MFN2: variants seen among roughly 807,000 people sequenced by gnomAD.
MFN2 encodes mitofusin 2, also known as mitofusin-2.
A neutral mutation model predicts 87.5 loss-of-function variants in MFN2; 43 were observed. The observed-to-expected ratio is 0.49, with a 90% CI of 0.38 to 0.63. The LOEUF (loss-of-function observed/expected upper bound fraction) is 0.63. MFN2 is among the 30% of genes least tolerant of loss of function. The probability of loss-of-function intolerance (pLI) is 0.00; values close to 1 mark genes in which losing one functional copy is unlikely to be tolerated. For synonymous variants in MFN2, 337 were observed against 359.9 expected (o/e 0.94, Z 0.72); for missense variants, 743 against 972.8 (o/e 0.76, Z 3.14).
chr1:11,986,519 G>A (rs1262628845), intron 2 of MFN2, among the ~76,000 whole-genome samples: 1 of 152,016 alleles, frequency 6.6e-6, no homozygotes, highest in Non-Finnish European at 1.5e-5. Context: ...ACCTGGCAGG[G>A]GTCCACTTTT....
rs200048283 is a variant in MFN2 at position 12,006,519 on chromosome 1, C to G, written c.1717-19C>G. 1.2e-6 allele frequency: 2 copies of G among 1,613,906 alleles called. No homozygotes were observed. Among genetic ancestry groups the G allele is most frequent in the South Asian group, 1.1e-5 (1 of 91,084 alleles). On this transcript the variant is annotated intron_variant, in intron 15 of 18. Transcript: ENST00000235329. ...GACTCAATACGTCCCCCTCACCCCTCTCATGTTTCTCTCCTCAGGTCCAGC... is the reference window on the plus strand; with the variant it reads ...GACTCAATACGTCCCCCTCACCCCTGTCATGTTTCTCTCCTCAGGTCCAGC...
chr1:11,999,518 T>C (rs1639079492), intron 8 of MFN2, among the ~76,000 whole-genome samples: 1 of 152,118 alleles, frequency 6.6e-6, no homozygotes, highest in South Asian at 2.1e-4. Context: ...GTTATGAGGC[T>C]GGCTAATTTT....
chr1:12,011,399 GGT>G, intron 18 of MFN2, 95 bp from the exon 19 acceptor site: 1 of 1,189,742 alleles, frequency 8.4e-7, no homozygotes, highest in Middle Eastern at 1.9e-4. Context: ...ATGATGTAAG[GGT>G]GTGTGTCAAG....
intron 2 of MFN2, among the ~76,000 whole-genome samples, chr1:11,984,453 C>T (rs976024175): frequency 2.0e-5 from 3 of 152,166 alleles, no homozygotes; most frequent in African/African-American, 4.8e-5. Context: ...TGTAGTGAAG[C>T]ATGTTGCTTG....
In MFN2 at chr1:11,982,053, C is replaced by T. The variant is rs965790529; in HGVS notation, c.-66C>T. 1 of 151,500 alleles carries T rather than the reference C, an allele frequency of 6.6e-6. No individual in the cohort carries two copies. The highest frequency in any genetic ancestry group is 2.4e-5 in the African/African-American group (1 of 41,118). 9.4% of individuals were successfully genotyped at this position (151,500 alleles called of 1,614,324 possible). A position where few individuals can be genotyped will look rare whatever the true frequency, so the allele number is the denominator to read the frequency against. ...AGAAGAGAACTCAGAATCTTTTTGTCTTTTGGACTTCAGCCATGTCCATGA... is the reference window on the plus strand; with the variant it reads ...AGAAGAGAACTCAGAATCTTTTTGTTTTTTGGACTTCAGCCATGTCCATGA... On this transcript the variant is annotated 5_prime_UTR_variant, in exon 2 of 19. Coordinates refer to ENST00000235329, the MANE Select transcript of MFN2 (RefSeq NM_014874.4).
At position 11,984,977 on chromosome 1, in the gene MFN2, A is replaced by G. The variant is rs1201937063; in HGVS notation, c.-5+2863A>G. On this transcript the variant is annotated intron_variant, in intron 2 of 18. Coordinates refer to ENST00000235329, the MANE Select transcript of MFN2 (RefSeq NM_014874.4). ...TCCATCAAATTAATTGAACTCAAAG[A>G]GGGGGTCATGGGAACCCCAGCCTGA... Among the ~76,000 whole-genome samples, 3 of 152,208 alleles carry G rather than the reference A, an allele frequency of 2.0e-5. No homozygotes were observed. In the East Asian group the frequency reaches 5.8e-4, roughly 29 times the overall value.
chr1:12,001,660 A>C (rs555340198), intron 9 of MFN2, 106 bp downstream of exon 9: 9 of 1,599,358 alleles, frequency 5.6e-6, no homozygotes, highest in Non-Finnish European at 3.4e-6. Context: ...GGATGCTGAG[A>C]AGAGCAGAGA....
chr1:12,002,172 G>T, intron 11 of MFN2, 69 bp downstream of exon 11: 1 of 1,612,094 alleles, frequency 6.2e-7, no homozygotes, highest in Non-Finnish European at 8.5e-7. Flanking sequence ...CCTGCCTTGG[G>T]CAGTTAGGAC....
At chr1:11,999,711 G>A (rs1228141208) in intron 8 of MFN2, among the ~76,000 whole-genome samples, 1 of 152,050 alleles carries the variant, frequency 6.6e-6, no homozygotes, top group Non-Finnish European at 1.5e-5. Flanking sequence ...AAACGGCATG[G>A]TGGTGCACAC....
At chr1:12,011,374 C>T in intron 18 of MFN2, 122 bp from the exon 19 acceptor site, 2 of 1,035,056 alleles carry the variant, frequency 1.9e-6, no homozygotes, top group East Asian at 2.5e-5. Flanking sequence ...CAGGGATAAA[C>T]ACGATTGTTG....
chr1:11,997,569 C>T lies in MFN2; in HGVS notation c.599+148C>T, dbSNP rs771099810. ...GATGGGCTCAACCAAATCCTCTGGC[C>T]TCTTGGCTTTCCTCTGGAGTCTGGT... is the stretch of plus-strand genomic sequence containing the variant. On this transcript the variant is annotated intron_variant, in intron 6 of 18. Coordinates refer to ENST00000235329, the MANE Select transcript of MFN2 (RefSeq NM_014874.4). 5 of 1,107,314 alleles carry T rather than the reference C, an allele frequency of 4.5e-6. 1 individual carries two copies. The South Asian group carries it at 5.4e-5, about 12-fold the overall frequency. The allele number at this position is 1,107,314 out of a possible 1,614,324, so 68.6% of individuals were successfully genotyped here.
In MFN2 at chr1:12,004,083, C is replaced by T. The variant is rs1057517987; in HGVS notation, c.1252C>T (p.Arg418Ter). 20 of 1,614,070 alleles carry T rather than the reference C, an allele frequency of 1.2e-5. No homozygotes were observed. Among genetic ancestry groups the T allele is most frequent in the African/African-American group, 2.7e-5 (2 of 75,006 alleles). The change falls in exon 12 of 19, where the codon CGA (arginine) becomes TGA (stop). Residue 418 changes from arginine to a stop codon, truncating the protein, a stop_gained. Coordinates refer to ENST00000235329, the MANE Select transcript of MFN2 (RefSeq NM_014874.4). LOFTEE classifies it high-confidence loss of function. This position sits in a 1 kb window ranked among gnomAD's most constrained non-coding sequence, Gnocchi z 4.2. ...LELLAQDYKL[R>*]IKQITEEVER... ...GCTCTTGGCTCAAGACTATAAGCTG[C>T]GAATTAAGCAGATTACGGAGGAAGT...
chr1:12,011,834 T>G lies in MFN2; in HGVS notation c.*269T>G. 1 of 541,602 alleles carries G rather than the reference T, an allele frequency of 1.8e-6. No homozygotes were observed. The highest frequency in any genetic ancestry group is 3.3e-6 in the Non-Finnish European group (1 of 300,510). 33.5% of individuals were successfully genotyped at this position (541,602 alleles called of 1,614,324 possible). A position where few individuals can be genotyped will look rare whatever the true frequency, so the allele number is the denominator to read the frequency against. The stretch of plus-strand genomic sequence containing the variant: ...TGGTACCAAGGAGTTAAGTTGAGGC[T>G]TTTTCCAGCTTTCTCTGGTTCATTT... On this transcript the variant is annotated 3_prime_UTR_variant, in exon 19 of 19. Transcript: ENST00000235329.
intron 5 of MFN2, among the ~76,000 whole-genome samples, chr1:11,996,993 A>G (rs561828838): frequency 1.3e-5 from 2 of 149,552 alleles, no homozygotes; most frequent in African/African-American, 4.9e-5. Context: ...AGCTGAGATC[A>G]CGCCACTGTA....
At position 12,013,097 on chromosome 1, in the gene MFN2, T is replaced by C; in HGVS notation, c.*1532T>C. ...AGGTGGACATGCTGTGGGTGGATGT[T>C]CCCGGCGTGTGCCGGGCCTGAATGG... On this transcript the variant is annotated 3_prime_UTR_variant, in exon 19 of 19. Coordinates refer to ENST00000235329, the MANE Select transcript of MFN2 (RefSeq NM_014874.4). 2.9e-6 allele frequency: 1 copy of C among 345,080 alleles called. No homozygotes were observed. The highest frequency in any genetic ancestry group is 5.7e-6 in the Non-Finnish European group (1 of 176,862). The allele number at this position is 345,080 out of a possible 1,614,324, so 21.4% of individuals were successfully genotyped here. A position where few individuals can be genotyped will look rare whatever the true frequency, so the allele number is the denominator to read the frequency against.
At chr1:11,999,799 A>G (rs932387504) in intron 8 of MFN2, among the ~76,000 whole-genome samples, 22 of 152,206 alleles carry the variant, frequency 1.4e-4, no homozygotes, top group African/African-American at 5.1e-4. Context: ...CCATCTCCAA[A>G]AAAATAAAGG....
At position 11,989,314 on chromosome 1, in the gene MFN2, A is replaced by G. The variant is rs754303535; in HGVS notation, c.146A>G (p.Tyr49Cys). ...INGIFEQLGA[Y>C]IQESATFLED... is the part of the protein sequence containing the mutation. ...GGCATTTTTGAGCAGCTGGGGGCCTACATCCAGGAGAGCGCCACCTTCCTT... is the reference window on the plus strand; with the variant it reads ...GGCATTTTTGAGCAGCTGGGGGCCTGCATCCAGGAGAGCGCCACCTTCCTT... The change falls in exon 3 of 19, where the codon TAC becomes TGC. Residue 49 changes from tyrosine (Y) to cysteine (C), a missense_variant. Coordinates refer to ENST00000235329, the MANE Select transcript of MFN2 (RefSeq NM_014874.4). The G allele has an allele frequency of 5.6e-6, 9 of 1,614,100 alleles. 1 individual carries two copies. In the South Asian group the frequency reaches 7.7e-5, roughly 14 times the overall value.
rs964426678 is a variant in MFN2 at position 12,003,033 on chromosome 1, A to G, written c.1160+930A>G. Among the ~76,000 whole-genome samples, 15 of 152,150 alleles carry G rather than the reference A, an allele frequency of 9.9e-5. No individual in the cohort carries two copies. Among genetic ancestry groups the G allele is most frequent in the Admixed American group, 6.5e-4 (10 of 15,268 alleles). ...TTTGTTTATGAATCGGAACTGCTGT[A>G]GTATATTCCATTGTGAATATGCCTC... On this transcript the variant is annotated intron_variant, in intron 11 of 18. Transcript: ENST00000235329. This position sits in a 1 kb window ranked among gnomAD's most constrained non-coding sequence, Gnocchi z 4.1.
chr1:11,983,293 G>A (rs1646019039), intron 2 of MFN2, among the ~76,000 whole-genome samples: 1 of 152,138 alleles, frequency 6.6e-6, no homozygotes, highest in South Asian at 2.1e-4. Flanking sequence ...GGATGGTCTC[G>A]AACTCCTGAC....
Sources: allele counts gnomAD v4.1 joint callset (sites outside exome capture counted in the v4.1 genomes callset), GRCh38; gene constraint gnomAD v4.1.1; non-coding constraint Gnocchi (gnomAD v3.1); transcripts MANE v1.5; gene names NCBI Gene and HGNC (gene_info 2026-07-23, HGNC 2026-07-21).